The following EFEMP1 variants were observed in gnomAD, a reference collection of about 807,000 sequenced individuals.
EFEMP1 encodes the protein EGF-containing fibulin-like extracellular matrix protein 1.
A neutral mutation model predicts 65.7 loss-of-function variants in EFEMP1; 18 were observed. That is an observed-to-expected ratio of 0.27 (90% CI 0.19 to 0.41). The LOEUF (loss-of-function observed/expected upper bound fraction) is 0.41, where lower values mean the gene tolerates loss of function less well. Ranked by LOEUF, EFEMP1 falls within the 10% of genes least tolerant of loss-of-function variation. The pLI, the probability that EFEMP1 is intolerant of heterozygous loss-of-function variation, is 1.00. For missense variants in EFEMP1, 469 were observed against 624.8 expected, an observed-to-expected ratio of 0.75 and a Z score of 2.66; for synonymous variants, 237 against 219.7, an observed-to-expected ratio of 1.08 and a Z score of -0.70.
chr2:55,903,245 A>G (rs183753802), intron 5 of EFEMP1, among the ~76,000 whole-genome samples: 63 of 152,366 alleles, frequency 4.1e-4, no homozygotes, highest in Admixed American at 2.2e-3. Flanking sequence ...AGAGGGAAAT[A>G]TCTGTGATTT....
chr2:55,870,919 C>T lies in EFEMP1; in HGVS notation c.1125-4G>A, dbSNP rs1293885686. The T allele has an allele frequency of 3.1e-6, 5 of 1,613,692 alleles. No homozygotes were observed. Among genetic ancestry groups the T allele is most frequent in the Non-Finnish European group, 4.2e-6 (5 of 1,179,786 alleles). On this transcript the variant is annotated splice_polypyrimidine_tract_variant and splice_region_variant and intron_variant, in intron 10 of 11. Transcript: ENST00000355426. This position sits in a 1 kb window ranked among gnomAD's most constrained non-coding sequence, Gnocchi z 5.8. ...TGAGACTGGGCAAACACATCGGCTG[C>T]AGAGACAAACAAAAGTATTCAGCAG...
intron 5 of EFEMP1, among the ~76,000 whole-genome samples, chr2:55,916,592 CA>C (rs1212601609): frequency 6.6e-6 from 1 of 152,210 alleles, no homozygotes; most frequent in Admixed American, 6.5e-5. Context: ...CTCTTCCTTA[CA>C]CATGACCAGT....
At chr2:55,897,881 G>T (rs1669888488) in intron 5 of EFEMP1, among the ~76,000 whole-genome samples, 1 of 152,080 alleles carries the variant, frequency 6.6e-6, no homozygotes, top group African/African-American at 2.4e-5. Context: ...GGGGTTGTGG[G>T]GTAGAATGGG....
Position 55,923,289 on chromosome 2 carries a change from G to A in EFEMP1, c.-48-350C>T, listed in dbSNP as rs1337069798. On this transcript the variant is annotated intron_variant, in intron 1 of 11. Transcript: ENST00000355426. This position sits in a 1 kb window ranked among gnomAD's most constrained non-coding sequence, Gnocchi z 5.3. ...CCCAAGGTACCAGTTTCGGGCGGGCGGCCTGGCCCGGCAGGGAGATGAGGT... is the reference window on the plus strand; with the variant it reads ...CCCAAGGTACCAGTTTCGGGCGGGCAGCCTGGCCCGGCAGGGAGATGAGGT... Among the ~76,000 whole-genome samples the A allele has an allele frequency of 6.6e-6, 1 of 152,150 alleles. No individual in the cohort carries two copies. Among genetic ancestry groups the A allele is most frequent in the African/African-American group, 2.4e-5 (1 of 41,428 alleles).
Position 55,922,314 on chromosome 2 carries a change from A to G in EFEMP1, c.81+46T>C. 1 of 1,589,416 alleles carries G rather than the reference A, an allele frequency of 6.3e-7. No homozygotes were observed. The highest frequency in any genetic ancestry group is 8.6e-7 in the Non-Finnish European group (1 of 1,157,930). On this transcript the variant is annotated intron_variant, in intron 3 of 11. Transcript: ENST00000355426. The surrounding 1 kb of genome is among the most constrained non-coding windows in gnomAD (Gnocchi z 5.5). The stretch of plus-strand genomic sequence containing the variant: ...GGTGTGTAAAGTCTTTTTTTGTCAC[A>G]GAATCCCGCTGAACCGTACTTATTT...
chr2:55,890,173 G>A (rs1390953669), intron 5 of EFEMP1, among the ~76,000 whole-genome samples: 1 of 151,830 alleles, frequency 6.6e-6, no homozygotes, highest in Non-Finnish European at 1.5e-5. Context: ...AGTTGGCTAT[G>A]CAATATTAGT....
rs1670845403 is a variant in EFEMP1, at chr2:55,919,615, CTT to C, written c.82-1350_82-1349del. On this transcript the variant is annotated intron_variant, in intron 3 of 11. Coordinates refer to ENST00000355426, the MANE Select transcript of EFEMP1 (RefSeq NM_001039348.3). The surrounding 1 kb of genome is among the most constrained non-coding windows in gnomAD (Gnocchi z 4.5). ...AAAGTGGAGTAAACAAACAAATAAACTTAAATTCTTTTAATATAACTGAGAGC... is the reference window on the plus strand; with the variant it reads ...AAAGTGGAGTAAACAAACAAATAAACAAATTCTTTTAATATAACTGAGAGC... 6.6e-6 allele frequency among the ~76,000 whole-genome samples: 1 copy of C among 152,172 alleles called. No individual in the cohort carries two copies. The highest frequency in any genetic ancestry group is 1.5e-5 in the Non-Finnish European group (1 of 68,014).
chr2:55,900,867 C>T (rs768974770), intron 5 of EFEMP1, among the ~76,000 whole-genome samples: 8 of 152,060 alleles, frequency 5.3e-5, no homozygotes, highest in Non-Finnish European at 2.9e-5. Context: ...TCATTAGTGC[C>T]GCTTTGTTGA....
chr2:55,903,211 G>A (rs1455234155), intron 5 of EFEMP1, among the ~76,000 whole-genome samples: 2 of 152,152 alleles, frequency 1.3e-5, no homozygotes, highest in African/African-American at 2.4e-5. Flanking sequence ...TCCACTACAG[G>A]AGAAAATTCT....
chr2:55,911,993 C>T (rs1254253973), intron 5 of EFEMP1, among the ~76,000 whole-genome samples: 4 of 152,010 alleles, frequency 2.6e-5, no homozygotes, highest in African/African-American at 7.3e-5. Context: ...TACACTGCAT[C>T]GGCTTATTTG....
intron 6 of EFEMP1, among the ~76,000 whole-genome samples, chr2:55,879,028 G>A (rs1236603794): frequency 1.3e-5 from 2 of 152,092 alleles, no homozygotes; most frequent in East Asian, 1.9e-4. Flanking sequence ...CCTCAGGGTG[G>A]CCACCTTTCC....
At chr2:55,913,026 ACT>A in intron 5 of EFEMP1, among the ~76,000 whole-genome samples, 1 of 152,200 alleles carries the variant, frequency 6.6e-6, no homozygotes, top group Non-Finnish European at 1.5e-5. Context: ...GCAAAGAAAG[ACT>A]CTGTCCAACT....
At chr2:55,891,526 AC>A (rs1488063377) in intron 5 of EFEMP1, among the ~76,000 whole-genome samples, 5 of 152,252 alleles carry the variant, frequency 3.3e-5, no homozygotes, top group Middle Eastern at 3.4e-3. Flanking sequence ...GAATATCTAT[AC>A]TTTCTCTCAT....
rs1670761905 is a variant in EFEMP1, at chr2:55,917,838, C to T, written c.344G>A (p.Gly115Glu). ...AGCAGCACTGGCCACAAAACCACCC[C>T]CGGGCAACACTCCACTGGTTGCCAT... Reference protein sequence around the residue: ...SSMATSGVLPGGGFVASAAAV... With the variant: ...SSMATSGVLPEGGFVASAAAV... The change falls in exon 5 of 12, where the codon GGG becomes GAG. Residue 115 changes from glycine (G) to glutamate (E), a missense_variant. This residue lies in a region of EFEMP1 where 399 missense variants were observed against 528.2 expected (regional missense o/e 0.76). Coordinates refer to ENST00000355426, the MANE Select transcript of EFEMP1 (RefSeq NM_001039348.3). This position sits in a 1 kb window ranked among gnomAD's most constrained non-coding sequence, Gnocchi z 6.3. 1 of 1,614,234 alleles carries T rather than the reference C, an allele frequency of 6.2e-7. No homozygotes were observed. The highest frequency in any genetic ancestry group is 2.2e-5 in the East Asian group (1 of 44,886).
intron 5 of EFEMP1, among the ~76,000 whole-genome samples, chr2:55,905,209 C>A (rs1436721533): frequency 6.6e-6 from 1 of 152,022 alleles, no homozygotes; most frequent in Non-Finnish European, 1.5e-5. Flanking sequence ...GACTTTTACT[C>A]AATTTTTTGA....
intron 5 of EFEMP1, among the ~76,000 whole-genome samples, chr2:55,902,145 GT>G (rs1327363028): frequency 1.3e-5 from 2 of 152,208 alleles, no homozygotes; most frequent in Admixed American, 6.5e-5. Context: ...AATGTTTGTT[GT>G]TTTAAGTCAC....
intron 5 of EFEMP1, among the ~76,000 whole-genome samples, chr2:55,898,472 CT>C (rs1394083813): frequency 2.0e-5 from 3 of 152,110 alleles, no homozygotes; most frequent in African/African-American, 7.2e-5. Flanking sequence ...TACTAGCATA[CT>C]TTATGTACAG....
chr2:55,887,381 C>A (rs561550485), intron 5 of EFEMP1, among the ~76,000 whole-genome samples: 1 of 152,126 alleles, frequency 6.6e-6, no homozygotes, highest in African/African-American at 2.4e-5. Flanking sequence ...TCCTCCCTTG[C>A]GTCTTTCTTC....
intron 5 of EFEMP1, among the ~76,000 whole-genome samples, chr2:55,889,045 T>G (rs1669535707): frequency 6.6e-6 from 1 of 152,220 alleles, no homozygotes; most frequent in African/African-American, 2.4e-5. Flanking sequence ...AAGCCCTGCC[T>G]GAGCACTGTG....
Sources: allele counts gnomAD v4.1 joint callset (sites outside exome capture counted in the v4.1 genomes callset), GRCh38; gene constraint gnomAD v4.1.1; regional missense constraint gnomAD v4.1.1; non-coding constraint Gnocchi (gnomAD v3.1); transcripts MANE v1.5; gene names NCBI Gene and HGNC (gene_info 2026-07-23, HGNC 2026-07-21).